Variants in ASAP1 observed in about 807,000 individuals in gnomAD.
ASAP1 encodes the protein ArfGAP with SH3 domain, ankyrin repeat and PH domain 1.
ASAP1 carries 43 observed loss-of-function variants against 145.2 expected under a neutral mutation model. The ratio of observed to expected loss-of-function variants is 0.30; its 90% CI spans 0.23 to 0.38. ASAP1 has a LOEUF of 0.38. Among genes scored for constraint, ASAP1 ranks in the 10% least tolerant of loss-of-function variants. The pLI, the probability that ASAP1 is intolerant of heterozygous loss-of-function variation, is 1.00. For synonymous variants in ASAP1, 546 were observed against 515.5 expected (o/e 1.06, Z -0.80); for missense variants, 1,018 against 1,355.3 (o/e 0.75, Z 3.91).
chr8:130,177,646 A>G (rs1814057208), intron 9 of ASAP1, among the ~76,000 whole-genome samples: 1 of 152,224 alleles, frequency 6.6e-6, no homozygotes, highest in Admixed American at 6.5e-5. Context: ...TTCTACTTCA[A>G]TATATTATTT....
chr8:130,077,850 A>G (rs2097467297), intron 26 of ASAP1, among the ~76,000 whole-genome samples: 1 of 152,182 alleles, frequency 6.6e-6, no homozygotes, highest in Admixed American at 6.5e-5. Context: ...TATTGCTGAG[A>G]TAAAGCCACC....
intron 25 of ASAP1, among the ~76,000 whole-genome samples, chr8:130,090,482 C>T (rs1366981987): frequency 2.6e-5 from 4 of 152,328 alleles, no homozygotes; most frequent in African/African-American, 7.2e-5. Flanking sequence ...TGTGCTAGCA[C>T]ACCTCAATTG....
Position 130,361,860 on chromosome 8 carries a change from A to G in ASAP1, c.60-3717T>C, listed in dbSNP as rs1397693718. Reference sequence around the variant, plus strand: ...CCCCGAAATATACACCATCCTCCCCAAAGCCAGGAAAAATGTGCGCACACA... The same window carrying G: ...CCCCGAAATATACACCATCCTCCCCGAAGCCAGGAAAAATGTGCGCACACA... On this transcript the variant is annotated intron_variant, in intron 2 of 29. Coordinates refer to ENST00000518721, the MANE Select transcript of ASAP1 (RefSeq NM_018482.4). 8 of 901,548 alleles carry G rather than the reference A, an allele frequency of 8.9e-6. No individual in the cohort carries two copies. The Admixed American group carries it at 1.2e-4, about 14-fold the overall frequency. The allele number at this position is 901,548 out of a possible 1,614,324, so 55.8% of individuals were successfully genotyped here.
At chr8:130,301,010 A>G (rs138949142) in intron 3 of ASAP1, among the ~76,000 whole-genome samples, 3 of 152,244 alleles carry the variant, frequency 2.0e-5, no homozygotes, top group Admixed American at 6.5e-5. Flanking sequence ...TAGGCTGACA[A>G]AGCCATAATG....
intron 2 of ASAP1, chr8:130,361,783 T>C (rs1565248625): frequency 2.0e-6 from 3 of 1,516,390 alleles, no homozygotes; most frequent in Non-Finnish European, 2.7e-6. Context: ...TGAAAGCAAA[T>C]AGAGACTGAC....
chr8:130,435,467 A>ATT (rs1434335111), intron 1 of ASAP1, among the ~76,000 whole-genome samples: 12 of 152,234 alleles, frequency 7.9e-5, no homozygotes, highest in African/African-American at 2.9e-4. Context: ...CAGCAGGTGA[A>ATT]TGCACAGGAC....
At chr8:130,239,189 T>A (rs1468949223) in intron 3 of ASAP1, among the ~76,000 whole-genome samples, 2 of 152,054 alleles carry the variant, frequency 1.3e-5, no homozygotes, top group African/African-American at 2.4e-5. Flanking sequence ...TAAGGGAATG[T>A]TTTATGAGAC....
At chr8:130,336,918 A>C (rs1235541351) in intron 3 of ASAP1, among the ~76,000 whole-genome samples, 1 of 151,952 alleles carries the variant, frequency 6.6e-6, no homozygotes, top group African/African-American at 2.4e-5. Flanking sequence ...AATTTATGAA[A>C]GAATAAGAGA....
intron 9 of ASAP1, among the ~76,000 whole-genome samples, chr8:130,169,858 C>T (rs1342095391): frequency 6.6e-6 from 1 of 152,174 alleles, no homozygotes; most frequent in African/African-American, 2.4e-5. Context: ...GAATTCAGAT[C>T]CAGGTCTGCC....
At chr8:130,104,601 G>A (rs933013081) in intron 24 of ASAP1, among the ~76,000 whole-genome samples, 27 of 152,188 alleles carry the variant, frequency 1.8e-4, no homozygotes, top group African/African-American at 6.5e-4. Flanking sequence ...GTACTCTCGT[G>A]GCAAAACTGC....
chr8:130,095,996 AG>A (rs2097516986), intron 24 of ASAP1, among the ~76,000 whole-genome samples: 1 of 152,234 alleles, frequency 6.6e-6, no homozygotes. Context: ...AATTAGCAGG[AG>A]GGAACAGTGT....
chr8:130,148,347 G>A (rs908789421), intron 13 of ASAP1, among the ~76,000 whole-genome samples: 5 of 152,224 alleles, frequency 3.3e-5, no homozygotes, highest in Non-Finnish European at 5.9e-5. Flanking sequence ...TCTATAAAAT[G>A]CAGTCTCATT....
At chr8:130,317,810 G>A (rs1823757432) in intron 3 of ASAP1, among the ~76,000 whole-genome samples, 1 of 152,312 alleles carries the variant, frequency 6.6e-6, no homozygotes, top group African/African-American at 2.4e-5. Context: ...GATGAACATG[G>A]CATGGCAGGC....
At chr8:130,173,325 T>C (rs1265553062) in intron 9 of ASAP1, among the ~76,000 whole-genome samples, 3 of 152,194 alleles carry the variant, frequency 2.0e-5, no homozygotes, top group Non-Finnish European at 4.4e-5. Context: ...CTGAGCTTCA[T>C]TCTCTTCTCC....
chr8:130,354,179 C>T (rs1295444891), intron 3 of ASAP1, among the ~76,000 whole-genome samples: 5 of 152,100 alleles, frequency 3.3e-5, no homozygotes, highest in Admixed American at 6.5e-5. Context: ...CCTGAGCCAC[C>T]GCGCCCAGCC....
intron 3 of ASAP1, among the ~76,000 whole-genome samples, chr8:130,297,942 T>C (rs1822388326): frequency 6.6e-6 from 1 of 152,194 alleles, no homozygotes; most frequent in African/African-American, 2.4e-5. Context: ...GGCCATTGTC[T>C]GGCCCAAAGA....
chr8:130,170,679 G>A (rs1813532006), intron 9 of ASAP1, among the ~76,000 whole-genome samples: 1 of 152,014 alleles, frequency 6.6e-6, no homozygotes, highest in Non-Finnish European at 1.5e-5. Flanking sequence ...GATAAAAATG[G>A]CCTTTTAGTT....
At chr8:130,136,560 CTT>C (rs79726935) in intron 14 of ASAP1, among the ~76,000 whole-genome samples, 17,479 of 144,190 alleles carry the variant, frequency 0.12, 1,103 homozygotes, top group South Asian at 0.28. Flanking sequence ...CACCTAGTGG[CTT>C]TTTTTTTTTT....
chr8:130,065,930 A>G (rs1479810407), intron 27 of ASAP1, among the ~76,000 whole-genome samples: 1 of 152,184 alleles, frequency 6.6e-6, no homozygotes, highest in Non-Finnish European at 1.5e-5. Context: ...GCTGATGGTT[A>G]GCTAGATCCA....
Sources: allele counts gnomAD v4.1 joint callset (sites outside exome capture counted in the v4.1 genomes callset), GRCh38; gene constraint gnomAD v4.1.1; transcripts MANE v1.5; gene names NCBI Gene and HGNC (gene_info 2026-07-23, HGNC 2026-07-21).